Variants in KLF8 observed in about 807,000 individuals in gnomAD.
KLF8 encodes the protein Krueppel-like factor 8.
KLF8 carries 10 observed loss-of-function variants against 18.2 expected under a neutral mutation model. The observed-to-expected ratio is 0.55, with a 90% CI of 0.34 to 0.93. KLF8 has a LOEUF of 0.93. KLF8 is among the 40% of genes least tolerant of loss of function. KLF8 has a pLI of 0.02. For synonymous variants in KLF8, 109 were observed against 97.3 expected, an observed-to-expected ratio of 1.12 and a Z score of -0.71; for missense variants, 264 against 277.9, an observed-to-expected ratio of 0.95 and a Z score of 0.36.
chrX:56,159,119 G>T, the KLF8 span, among the ~76,000 whole-genome samples: 12 of 111,862 alleles, frequency 1.1e-4, no homozygotes, highest in Admixed American at 1.1e-3. Context: ...TTTGTCAAAG[G>T]ACTTTTCTGC....
the KLF8 span, among the ~76,000 whole-genome samples, chrX:56,049,220 A>T: frequency 4.8e-4 from 54 of 111,475 alleles, 1 homozygote; most frequent in Admixed American, 5.2e-3. Flanking sequence ...AAAAAGGGAC[A>T]ATTTGACTTC....
At chrX:55,953,961 T>A in the KLF8 span, among the ~76,000 whole-genome samples, 24 of 108,978 alleles carry the variant, frequency 2.2e-4, no homozygotes, top group Non-Finnish European at 2.7e-4. Flanking sequence ...GCATATATAT[T>A]TTTTTTCTAA....
At chrX:56,058,291 T>TACAC in the KLF8 span, among the ~76,000 whole-genome samples, 2 of 21,121 alleles carry the variant, frequency 9.5e-5, no homozygotes, top group African/African-American at 2.4e-4. Flanking sequence ...TATATATATA[T>TACAC]ATATATATAT....
At chrX:56,186,114 C>T in the KLF8 span, among the ~76,000 whole-genome samples, 109 of 112,111 alleles carry the variant, frequency 9.7e-4, 1 homozygote, top group East Asian at 0.024. Flanking sequence ...CATCAGTATG[C>T]TGTATTCAGG....
At chrX:56,180,625 T>G in the KLF8 span, among the ~76,000 whole-genome samples, 1 of 111,294 alleles carries the variant, frequency 9.0e-6, no homozygotes, top group East Asian at 2.8e-4. Context: ...CTCTGTGCAC[T>G]GCTTTAAATG....
the KLF8 span, among the ~76,000 whole-genome samples, chrX:56,044,939 T>C: frequency 1.0e-3 from 115 of 112,632 alleles, no homozygotes; most frequent in African/African-American, 3.5e-3. Context: ...GTTTTTGTTG[T>C]ATTTGCTTTT....
the KLF8 span, among the ~76,000 whole-genome samples, chrX:56,177,040 T>G: frequency 1.5e-4 from 17 of 111,205 alleles, no homozygotes; most frequent in African/African-American, 5.6e-4. Flanking sequence ...TCTTTGCCAT[T>G]GGTTAGAACT....
chrX:55,935,055 C>G, the KLF8 span, among the ~76,000 whole-genome samples: 1 of 112,003 alleles, frequency 8.9e-6, no homozygotes, highest in Non-Finnish European at 1.9e-5. Flanking sequence ...CATACTAATA[C>G]TAACCTTACT....
At chrX:56,108,456 A>G in the KLF8 span, among the ~76,000 whole-genome samples, 1 of 111,852 alleles carries the variant, frequency 8.9e-6, no homozygotes, top group Non-Finnish European at 1.9e-5. Context: ...TCAACTGAGA[A>G]GATTATGTTA....
the KLF8 span, among the ~76,000 whole-genome samples, chrX:56,189,662 C>G: frequency 3.6e-5 from 4 of 110,436 alleles, no homozygotes; most frequent in South Asian, 3.9e-4. Context: ...AAATGTGGCA[C>G]ATATACACCA....
chrX:55,908,330 G>C, the KLF8 span: 1 of 283,196 alleles, frequency 3.5e-6, no homozygotes, highest in African/African-American at 2.8e-5. Context: ...CCAAGATTAT[G>C]TCCGCCAGCC....
At chrX:56,056,831 TA>T in the KLF8 span, among the ~76,000 whole-genome samples, 7,346 of 62,620 alleles carry the variant, frequency 0.12, 1,099 homozygotes, top group African/African-American at 0.4. Flanking sequence ...ATTGCAGGTG[TA>T]AAAAAAAAAA....
chrX:55,951,801 G>A, the KLF8 span, among the ~76,000 whole-genome samples: 2 of 110,778 alleles, frequency 1.8e-5, no homozygotes, highest in Non-Finnish European at 3.8e-5. Flanking sequence ...CTTGGAGGGG[G>A]ATGGATTAAA....
At chrX:55,925,456 A>T in the KLF8 span, among the ~76,000 whole-genome samples, 1 of 111,127 alleles carries the variant, frequency 9.0e-6, no homozygotes, top group African/African-American at 3.3e-5. Context: ...AACTAGGAGC[A>T]GCAGCAACAA....
chrX:55,990,001 A>G, the KLF8 span, among the ~76,000 whole-genome samples: 8 of 111,517 alleles, frequency 7.2e-5, no homozygotes, highest in East Asian at 2.8e-4. Flanking sequence ...AGAGGTGTTT[A>G]TAGTATTCTC....
intron 1 of KLF8, among the ~76,000 whole-genome samples, chrX:56,249,112 T>G (rs926762223): frequency 2.7e-5 from 3 of 112,381 alleles, no homozygotes; most frequent in Non-Finnish European, 5.6e-5. Context: ...CTTACTACAG[T>G]TCCTCCATTA....
At chrX:56,055,159 G>C in the KLF8 span, among the ~76,000 whole-genome samples, 1 of 111,599 alleles carries the variant, frequency 9.0e-6, no homozygotes, top group African/African-American at 3.3e-5. Context: ...TTATGTAGTT[G>C]CTTTATATTG....
chrX:56,155,145 C>A, the KLF8 span, among the ~76,000 whole-genome samples: 1 of 111,659 alleles, frequency 9.0e-6, no homozygotes, highest in Non-Finnish European at 1.9e-5. Flanking sequence ...GCTATAAAGA[C>A]ACATGCTCAC....
the KLF8 span, among the ~76,000 whole-genome samples, chrX:55,915,407 T>G: frequency 9.0e-6 from 1 of 111,570 alleles, no homozygotes; most frequent in Admixed American, 9.6e-5. Context: ...AGAATCAAAG[T>G]GAGTCAGTAA....
Sources: allele counts gnomAD v4.1 joint callset (sites outside exome capture counted in the v4.1 genomes callset), GRCh38; gene constraint gnomAD v4.1.1; transcripts MANE v1.5; gene names NCBI Gene and HGNC (gene_info 2026-07-23, HGNC 2026-07-21).